Variants in RNF115 observed in about 807,000 individuals in gnomAD.
The protein encoded by RNF115 is ring finger protein 115.
Under a neutral mutation model 39.2 loss-of-function variants are expected in RNF115, and 31 were observed. The observed-to-expected ratio is 0.79, with a 90% confidence interval of 0.59 to 1.07. The LOEUF (loss-of-function observed/expected upper bound fraction) is 1.07. Ranked by LOEUF, RNF115 falls within the 50% of genes least tolerant of loss-of-function variation. The pLI is 0.00. For missense variants in RNF115, 384 were observed against 381.7 expected, an observed-to-expected ratio of 1.01 and a Z score of -0.05; for synonymous variants, 124 against 131.0, an observed-to-expected ratio of 0.95 and a Z score of 0.37.
At position 145,742,240 on chromosome 1, in the gene RNF115, A is replaced by G. The variant is rs1349540655; in HGVS notation, c.*4626T>C. 1 of 152,132 alleles carries G rather than the reference A, an allele frequency of 6.6e-6. No individual in the cohort carries two copies. Among genetic ancestry groups the G allele is most frequent in the East Asian group, 1.9e-4 (1 of 5,204 alleles). The allele number at this position is 152,132 out of a possible 1,614,324, so 9.4% of individuals were successfully genotyped here. ...CGACATATTTAATTTGCATTTCTTG[A>G]GGGAATAGCACCTGGAAACCAGGGA... On this transcript the variant is annotated 3_prime_UTR_variant, in exon 9 of 9. Coordinates refer to ENST00000582693, the MANE Select transcript of RNF115 (RefSeq NM_014455.4).
At chr1:145,781,877 T>G (rs1168499937) in intron 3 of RNF115, among the ~76,000 whole-genome samples, 1 of 151,932 alleles carries the variant, frequency 6.6e-6, no homozygotes, top group East Asian at 1.9e-4. Flanking sequence ...CAGAATAAAT[T>G]TATTATACTC....
chr1:145,759,428 A>T (rs963909461), intron 4 of RNF115, among the ~76,000 whole-genome samples: 13 of 152,026 alleles, frequency 8.6e-5, no homozygotes, highest in African/African-American at 2.4e-4. Flanking sequence ...TGGTGGCTCC[A>T]TTCTTCTTGT....
intron 4 of RNF115, among the ~76,000 whole-genome samples, chr1:145,771,431 G>A (rs1389990028): frequency 1.3e-5 from 2 of 152,132 alleles, no homozygotes; most frequent in South Asian, 2.1e-4. Context: ...CCAGTCTCAG[G>A]TATTCTGCTA....
chr1:145,753,617 A>C (rs1158547837), intron 4 of RNF115, among the ~76,000 whole-genome samples: 1 of 152,228 alleles, frequency 6.6e-6, no homozygotes, highest in East Asian at 1.9e-4. Flanking sequence ...CTTTACACGA[A>C]TGAGTCTTTG....
In RNF115 at chr1:145,748,044, G is replaced by A; in HGVS notation, c.734C>T (p.Pro245Leu). Residue 245 changes from proline (P) to leucine (L), a missense_variant, in exon 8 of 9, where the codon CCT (proline) becomes CTT (leucine). Coordinates refer to ENST00000582693, the MANE Select transcript of RNF115 (RefSeq NM_014455.4). ...YTVEEEVRQL[P>L]CNHFFHSSCI... ...ACTGCTGTGAAAGAAGTGATTGCAA[G>A]GTAACTGCCGGACTTCCTCTTCAAC... 1.2e-6 allele frequency: 2 copies of A among 1,613,852 alleles called. No individual in the cohort carries two copies. Among genetic ancestry groups the A allele is most frequent in the Non-Finnish European group, 1.7e-6 (2 of 1,179,798 alleles).
At chr1:145,802,753 T>G (rs1649304522) in intron 1 of RNF115, among the ~76,000 whole-genome samples, 1 of 152,192 alleles carries the variant, frequency 6.6e-6, no homozygotes, top group African/African-American at 2.4e-5. Context: ...GTTTATACTC[T>G]CTTTGAGTAT....
intron 1 of RNF115, among the ~76,000 whole-genome samples, chr1:145,793,312 G>A (rs1203808764): frequency 6.6e-6 from 1 of 152,128 alleles, no homozygotes; most frequent in African/African-American, 2.4e-5. Context: ...GCGAGACCCT[G>A]TATCAAAAAA....
At chr1:145,761,683 G>A (rs1171338152) in intron 4 of RNF115, among the ~76,000 whole-genome samples, 7 of 152,366 alleles carry the variant, frequency 4.6e-5, no homozygotes, top group South Asian at 2.1e-4. Context: ...CTGCTAGGGC[G>A]GTGCGGAAGG....
At chr1:145,776,071 C>T (rs1472882197) in intron 3 of RNF115, among the ~76,000 whole-genome samples, 1 of 120,358 alleles carries the variant, frequency 8.3e-6, no homozygotes, top group Non-Finnish European at 1.6e-5. Flanking sequence ...GTTTTCAGGC[C>T]ATGGTTGACC....
chr1:145,796,906 T>C (rs997800119), intron 1 of RNF115, among the ~76,000 whole-genome samples: 3 of 152,190 alleles, frequency 2.0e-5, no homozygotes, highest in Non-Finnish European at 4.4e-5. Flanking sequence ...AACTGTCCCA[T>C]AGAACTGACC....
At chr1:145,809,133 G>A (rs1649585416) in intron 1 of RNF115, among the ~76,000 whole-genome samples, 1 of 151,716 alleles carries the variant, frequency 6.6e-6, no homozygotes, top group African/African-American at 2.4e-5. Flanking sequence ...CTGCTGCTTT[G>A]AGCCAACCCT....
At chr1:145,768,652 G>T (rs1408813815) in intron 4 of RNF115, among the ~76,000 whole-genome samples, 2 of 152,140 alleles carry the variant, frequency 1.3e-5, no homozygotes, top group African/African-American at 4.8e-5. Flanking sequence ...GAAACCCGTA[G>T]AATGAACAGG....
intron 1 of RNF115, among the ~76,000 whole-genome samples, chr1:145,800,157 T>C (rs1179510514): frequency 1.3e-5 from 2 of 152,206 alleles, no homozygotes; most frequent in Non-Finnish European, 2.9e-5. Flanking sequence ...CCAAACCATA[T>C]ACTGAGCAAA....
intron 4 of RNF115, among the ~76,000 whole-genome samples, chr1:145,758,788 C>T (rs1344808532): frequency 6.6e-6 from 1 of 152,158 alleles, no homozygotes; most frequent in Admixed American, 6.5e-5. Flanking sequence ...AGATGTTAGT[C>T]CCATGTTTTT....
intron 1 of RNF115, among the ~76,000 whole-genome samples, chr1:145,794,894 G>A (rs1648887780): frequency 6.6e-6 from 1 of 151,748 alleles, no homozygotes; most frequent in Non-Finnish European, 1.5e-5. Flanking sequence ...GCGGGCGCCT[G>A]TAGTCCCAGC....
intron 2 of RNF115, among the ~76,000 whole-genome samples, chr1:145,787,952 T>G (rs1217114296): frequency 1.3e-5 from 2 of 152,152 alleles, no homozygotes; most frequent in Admixed American, 6.5e-5. Context: ...AAGGAATATG[T>G]AATAGTCACT....
intron 5 of RNF115, among the ~76,000 whole-genome samples, chr1:145,752,481 A>G (rs1259927939): frequency 6.6e-6 from 1 of 151,458 alleles, no homozygotes; most frequent in Non-Finnish European, 1.5e-5. Context: ...GGCCTTCCTG[A>G]GCCTGAATAA....
intron 3 of RNF115, among the ~76,000 whole-genome samples, chr1:145,783,661 C>A (rs587623447): frequency 6.6e-6 from 1 of 152,024 alleles, no homozygotes; most frequent in Non-Finnish European, 1.5e-5. Context: ...TAGAGCTGAA[C>A]AAGTTGTATG....
rs1416788831 is a variant in RNF115, at chr1:145,743,647, G to A, written c.*3219C>T. The A allele has an allele frequency of 6.6e-6, 1 of 151,958 alleles. No homozygotes were observed. The highest frequency in any genetic ancestry group is 2.4e-5 in the African/African-American group (1 of 41,350). 9.4% of individuals were successfully genotyped at this position (151,958 alleles called of 1,614,324 possible). ...ATATAAAAAATTAGCTGGGCATGGTGGCAGGTGCCTGTAATCCCAGCTGCT... is the reference window on the plus strand; with the variant it reads ...ATATAAAAAATTAGCTGGGCATGGTAGCAGGTGCCTGTAATCCCAGCTGCT... On this transcript the variant is annotated 3_prime_UTR_variant, in exon 9 of 9. Coordinates refer to ENST00000582693, the MANE Select transcript of RNF115 (RefSeq NM_014455.4).
Sources: gnomAD v4.1 joint callset for allele counts (sites outside exome capture counted in the v4.1 genomes callset) on GRCh38, gnomAD v4.1.1 for gene constraint, MANE v1.5 for transcripts, NCBI Gene and HGNC (gene_info 2026-07-23, HGNC 2026-07-21) for gene names.